The following YWHAZ variants were observed in gnomAD, a reference collection of about 807,000 sequenced individuals.
YWHAZ encodes the protein tyrosine 3-monooxygenase/tryptophan 5-monooxygenase activation protein zeta.
For synonymous variants in YWHAZ, 87 were observed against 103.6 expected (o/e 0.84, Z 0.97); for missense variants, 79 against 284.8 (o/e 0.28, Z 5.20).
rs1813058195 is a variant in YWHAZ at position 100,922,038 on chromosome 8, A to G, written c.679-1286T>C. 6.6e-6 allele frequency among the ~76,000 whole-genome samples: 1 copy of G among 152,208 alleles called. No individual in the cohort carries two copies. The highest frequency in any genetic ancestry group is 1.5e-5 in the Non-Finnish European group (1 of 68,030). On this transcript the variant is annotated intron_variant, in intron 5 of 5. Transcript: ENST00000395958. The surrounding 1 kb of genome is among the most constrained non-coding windows in gnomAD (Gnocchi z 4.1). ...GGAGACTACTTCCAAGGTCATACAG[A>G]TAGCCAAATGACCTCTTGGAAACTG...
chr8:100,951,476 C>T, intron 1 of YWHAZ: 1 of 979,404 alleles, frequency 1.0e-6, no homozygotes, highest in Middle Eastern at 5.2e-4. Context: ...GCGATGCCCG[C>T]CGCCGCCGCC....
chr8:100,920,989 AC>A (rs1304186512), intron 5 of YWHAZ, among the ~76,000 whole-genome samples: 1 of 152,222 alleles, frequency 6.6e-6, no homozygotes, highest in Non-Finnish European at 1.5e-5. Flanking sequence ...ACCTTCAGAT[AC>A]AGGAAAGTTT....
At chr8:100,939,957 A>T (rs1814505201) in intron 2 of YWHAZ, among the ~76,000 whole-genome samples, 1 of 150,392 alleles carries the variant, frequency 6.6e-6, no homozygotes, top group Non-Finnish European at 1.5e-5. Context: ...TGGAAGGCGG[A>T]GCTTGCAGTG....
At position 100,919,474 on chromosome 8, in the gene YWHAZ, T is replaced by C. The variant is rs992064921; in HGVS notation, c.*1219A>G. On this transcript the variant is annotated 3_prime_UTR_variant, in exon 6 of 6. Transcript: ENST00000395958. ...CTCTCCCAGAAAAAATAGGAACTCA[T>C]TTTTTTCAGGGTGGGGAGGAAGAGA... 11 of 152,354 alleles carry C rather than the reference T, an allele frequency of 7.2e-5. 1 individual carries two copies. Among genetic ancestry groups the C allele is most frequent in the African/African-American group, 2.7e-4 (11 of 41,412 alleles). The allele number at this position is 152,354 out of a possible 1,614,324, so 9.4% of individuals were successfully genotyped here.
At chr8:100,940,975 G>A (rs1265937470) in intron 2 of YWHAZ, among the ~76,000 whole-genome samples, 2 of 152,198 alleles carry the variant, frequency 1.3e-5, no homozygotes, top group Non-Finnish European at 2.9e-5. Context: ...AGAGCCTGAT[G>A]CTAGTCCTCC....
intron 2 of YWHAZ, among the ~76,000 whole-genome samples, chr8:100,934,458 T>C (rs1813993186): frequency 6.6e-6 from 1 of 152,056 alleles, no homozygotes; most frequent in Non-Finnish European, 1.5e-5. Flanking sequence ...TCCCACACTT[T>C]AGGAGGCCAA....
intron 2 of YWHAZ, among the ~76,000 whole-genome samples, chr8:100,927,888 G>C (rs1212696112): frequency 2.6e-5 from 4 of 152,164 alleles, no homozygotes; most frequent in Non-Finnish European, 5.9e-5. Flanking sequence ...GTAACAGGAG[G>C]GCTGGGTAAA....
At chr8:100,926,334 T>C (rs1181702834) in intron 2 of YWHAZ, among the ~76,000 whole-genome samples, 1 of 152,142 alleles carries the variant, frequency 6.6e-6, no homozygotes, top group Non-Finnish European at 1.5e-5. Flanking sequence ...CCTGCAATTA[T>C]TAACCGATAT....
chr8:100,937,284 G>GCT (rs926195576), intron 2 of YWHAZ, among the ~76,000 whole-genome samples: 2 of 148,070 alleles, frequency 1.4e-5, no homozygotes, highest in African/African-American at 5.0e-5. Context: ...CCCTTTATAT[G>GCT]CTTTTTTTTT....
At chr8:100,929,743 C>T (rs1244153485) in intron 2 of YWHAZ, among the ~76,000 whole-genome samples, 3 of 151,318 alleles carry the variant, frequency 2.0e-5, no homozygotes, top group East Asian at 3.9e-4. Context: ...TCAAACTGAC[C>T]GAAGAATAAC....
intron 2 of YWHAZ, among the ~76,000 whole-genome samples, chr8:100,939,814 G>T (rs113719664): frequency 6.6e-6 from 1 of 152,286 alleles, no homozygotes; most frequent in African/African-American, 2.4e-5. Context: ...GAGGTTAGGA[G>T]ATCGAGACCA....
chr8:100,940,780 G>C (rs1014626816), intron 2 of YWHAZ, among the ~76,000 whole-genome samples: 1 of 152,162 alleles, frequency 6.6e-6, no homozygotes, highest in Non-Finnish European at 1.5e-5. Flanking sequence ...CAGAGTCACA[G>C]ACAAATGCAG....
rs1586070588 is a variant in YWHAZ, at chr8:100,917,953, A to T, written c.*2740T>A. On this transcript the variant is annotated 3_prime_UTR_variant, in exon 6 of 6. Coordinates refer to ENST00000395958, the MANE Select transcript of YWHAZ (RefSeq NM_145690.3). ...TAGAAAACATTAGTTAATACTAGTG[A>T]AGTGTTTTCATTATTCCAGGATCAA... The T allele has an allele frequency of 6.6e-6, 1 of 152,328 alleles. No homozygotes were observed. Among genetic ancestry groups the T allele is most frequent in the East Asian group, 1.9e-4 (1 of 5,186 alleles). 9.4% of individuals were successfully genotyped at this position (152,328 alleles called of 1,614,324 possible).
At chr8:100,940,049 C>T (rs564456211) in intron 2 of YWHAZ, among the ~76,000 whole-genome samples, 2 of 122,264 alleles carry the variant, frequency 1.6e-5, no homozygotes, top group African/African-American at 3.1e-5. Context: ...GGGGACAGAG[C>T]GAGACTCCGT....
In YWHAZ at chr8:100,948,562, C is replaced by G; in HGVS notation, c.294+34G>C. 2 of 1,599,364 alleles carry G rather than the reference C, an allele frequency of 1.3e-6. No homozygotes were observed. Among genetic ancestry groups the G allele is most frequent in the Non-Finnish European group, 1.7e-6 (2 of 1,172,510 alleles). ...GTAACTGATACTCATAGGGACCCTACAGTATAATGAAGCCAGACTGAATTG... is the reference window on the plus strand; with the variant it reads ...GTAACTGATACTCATAGGGACCCTAGAGTATAATGAAGCCAGACTGAATTG... On this transcript the variant is annotated intron_variant, in intron 2 of 5. Coordinates refer to ENST00000395958, the MANE Select transcript of YWHAZ (RefSeq NM_145690.3). This position sits in a 1 kb window ranked among gnomAD's most constrained non-coding sequence, Gnocchi z 4.2.
At chr8:100,951,149 C>G (rs1362470382) in intron 1 of YWHAZ, 3 of 984,766 alleles carry the variant, frequency 3.0e-6, no homozygotes, top group African/African-American at 1.8e-5. Context: ...GGAAATTCAG[C>G]TCTAGGTCCC....
chr8:100,932,012 G>A (rs903773218), intron 2 of YWHAZ: 1 of 152,156 alleles, frequency 6.6e-6, no homozygotes, highest in Non-Finnish European at 1.5e-5. Flanking sequence ...CACAAACTAT[G>A]GAGACAGACT....
At chr8:100,930,764 A>G (rs1347841593) in intron 2 of YWHAZ, among the ~76,000 whole-genome samples, 1 of 152,162 alleles carries the variant, frequency 6.6e-6, no homozygotes, top group Non-Finnish European at 1.5e-5. Context: ...ACTTTTAAAT[A>G]TGTTTTTTCA....
At position 100,922,355 on chromosome 8, in the gene YWHAZ, C is replaced by A. The variant is rs1443993759; in HGVS notation, c.678+1600G>T. On this transcript the variant is annotated intron_variant, in intron 5 of 5. Coordinates refer to ENST00000395958, the MANE Select transcript of YWHAZ (RefSeq NM_145690.3). The surrounding 1 kb of genome is among the most constrained non-coding windows in gnomAD (Gnocchi z 4.1). ...CTCAGAGAAGACATACAAGTAGTGA[C>A]AGAATTAGAATCAAAACCCTGGTTT... 6.6e-6 allele frequency: 1 copy of A among 150,866 alleles called. No homozygotes were observed. The highest frequency in any genetic ancestry group is 1.9e-4 in the East Asian group (1 of 5,148). 9.3% of individuals were successfully genotyped at this position (150,866 alleles called of 1,614,324 possible). A position where few individuals can be genotyped will look rare whatever the true frequency, so the allele number is the denominator to read the frequency against.
Sources: allele counts gnomAD v4.1 joint callset (sites outside exome capture counted in the v4.1 genomes callset), GRCh38; gene constraint gnomAD v4.1.1; non-coding constraint Gnocchi (gnomAD v3.1); transcripts MANE v1.5; gene names NCBI Gene and HGNC (gene_info 2026-07-23, HGNC 2026-07-21).